The following SGIP1 variants were observed in gnomAD, a reference collection of about 807,000 sequenced individuals.
SGIP1 encodes SH3GL interacting endocytic adaptor 1.
SGIP1 carries 38 observed loss-of-function variants against 107.5 expected under a neutral mutation model. The ratio of observed to expected loss-of-function variants is 0.35; its 90% confidence interval spans 0.27 to 0.46. The LOEUF is 0.46. SGIP1 is among the 20% of genes least tolerant of loss of function. SGIP1 has a pLI of 1.00. For synonymous variants in SGIP1, 365 were observed against 366.1 expected, an observed-to-expected ratio of 1.00 and a Z score of 0.03; for missense variants, 929 against 1,019.5, an observed-to-expected ratio of 0.91 and a Z score of 1.21.
chr1:66,713,742 T>TAATA (rs1172377036), intron 18 of SGIP1, among the ~76,000 whole-genome samples: 1 of 152,096 alleles, frequency 6.6e-6, no homozygotes, highest in Non-Finnish European at 1.5e-5. Context: ...ACTCATATTT[T>TAATA]AATAAATTAA....
chr1:66,550,076 T>C (rs1404507053), intron 1 of SGIP1, among the ~76,000 whole-genome samples: 1 of 152,174 alleles, frequency 6.6e-6, no homozygotes, highest in African/African-American at 2.4e-5. Context: ...GCACCTGCTC[T>C]GGCTGAATTA....
intron 18 of SGIP1, among the ~76,000 whole-genome samples, chr1:66,710,157 T>C (rs489300): frequency 0.29 from 44,522 of 152,020 alleles, 7,612 homozygotes; most frequent in East Asian, 0.79. Context: ...TCATAAAAAG[T>C]AACTTTATTA....
intron 1 of SGIP1, among the ~76,000 whole-genome samples, chr1:66,614,463 C>G (rs1409137741): frequency 6.6e-6 from 1 of 152,180 alleles, no homozygotes; most frequent in Non-Finnish European, 1.5e-5. Context: ...AACAGGATCA[C>G]TCTACATGCA....
At chr1:66,630,448 C>T (rs1309386099) in intron 2 of SGIP1, among the ~76,000 whole-genome samples, 3 of 152,072 alleles carry the variant, frequency 2.0e-5, no homozygotes, top group African/African-American at 7.2e-5. Flanking sequence ...AGGTTGAAGT[C>T]CTAGTAAGAA....
chr1:66,639,261 G>A (rs2076338530), intron 4 of SGIP1, among the ~76,000 whole-genome samples: 5 of 152,142 alleles, frequency 3.3e-5, no homozygotes, highest in Admixed American at 3.3e-4. Context: ...AACTGATTTA[G>A]AGCTGACTTA....
intron 18 of SGIP1, among the ~76,000 whole-genome samples, chr1:66,715,088 T>C (rs1365150061): frequency 6.6e-6 from 1 of 152,126 alleles, no homozygotes; most frequent in African/African-American, 2.4e-5. Context: ...TTCTACTTTG[T>C]AGGAATAAAT....
intron 18 of SGIP1, among the ~76,000 whole-genome samples, chr1:66,706,788 C>T (rs1038755989): frequency 6.6e-6 from 1 of 151,948 alleles, no homozygotes; most frequent in East Asian, 1.9e-4. Flanking sequence ...TGTGAGTCTG[C>T]GTGTGTGCAT....
At chr1:66,735,910 G>A (rs1290500870) in intron 21 of SGIP1, among the ~76,000 whole-genome samples, 3 of 150,596 alleles carry the variant, frequency 2.0e-5, no homozygotes, top group Non-Finnish European at 4.4e-5. Flanking sequence ...CATTTACCAC[G>A]TTTTTAATGC....
chr1:66,592,035 A>T (rs1558000906), intron 1 of SGIP1, among the ~76,000 whole-genome samples: 1 of 152,224 alleles, frequency 6.6e-6, no homozygotes, highest in Non-Finnish European at 1.5e-5. Context: ...ACACCAAGAC[A>T]TTCCATTCCC....
chr1:66,692,029 G>A (rs1261473425), intron 17 of SGIP1, among the ~76,000 whole-genome samples: 1 of 151,920 alleles, frequency 6.6e-6, no homozygotes, highest in Non-Finnish European at 1.5e-5. Flanking sequence ...TGTGGTGGTG[G>A]GCGCCTGTAG....
At chr1:66,580,365 C>T (rs1027767469) in intron 1 of SGIP1, among the ~76,000 whole-genome samples, 3 of 152,158 alleles carry the variant, frequency 2.0e-5, no homozygotes, top group African/African-American at 4.8e-5. Context: ...CTTACCCTTG[C>T]CTGAAACCCT....
intron 8 of SGIP1, among the ~76,000 whole-genome samples, chr1:66,662,398 G>A (rs1023397870): frequency 2.0e-5 from 3 of 152,148 alleles, no homozygotes; most frequent in Non-Finnish European, 4.4e-5. Flanking sequence ...TGTGACAAGG[G>A]GGATAGACTG....
chr1:66,543,666 T>C (rs1471464047), intron 1 of SGIP1, among the ~76,000 whole-genome samples: 1 of 152,096 alleles, frequency 6.6e-6, no homozygotes, highest in Admixed American at 6.5e-5. Flanking sequence ...CTCTCTCCCC[T>C]GATTTTCTCA....
At chr1:66,647,004 G>C (rs531804078) in intron 7 of SGIP1, among the ~76,000 whole-genome samples, 1 of 152,140 alleles carries the variant, frequency 6.6e-6, no homozygotes, top group Non-Finnish European at 1.5e-5. Flanking sequence ...ACATCACCCA[G>C]GTTTGCCATC....
At chr1:66,552,853 G>A (rs1447742679) in intron 1 of SGIP1, among the ~76,000 whole-genome samples, 1 of 152,058 alleles carries the variant, frequency 6.6e-6, no homozygotes, top group Non-Finnish European at 1.5e-5. Flanking sequence ...GGGTGAGAGA[G>A]AAAACGACTT....
At chr1:66,593,401 G>A (rs753514065) in intron 1 of SGIP1, among the ~76,000 whole-genome samples, 1 of 152,088 alleles carries the variant, frequency 6.6e-6, no homozygotes, top group Non-Finnish European at 1.5e-5. Flanking sequence ...ACCACTTTGC[G>A]TTTCTACTAG....
chr1:66,699,758 G>A (rs1239779052), intron 18 of SGIP1, among the ~76,000 whole-genome samples: 1 of 152,104 alleles, frequency 6.6e-6, no homozygotes, highest in Admixed American at 6.6e-5. Context: ...CCCCACAGAG[G>A]TTATGTTCTA....
intron 8 of SGIP1, chr1:66,666,567 TG>T (rs2082592043): frequency 6.6e-6 from 1 of 152,602 alleles, no homozygotes; most frequent in South Asian, 2.0e-4. Context: ...TTAGGTAGTA[TG>T]GCCATTTTCA....
intron 2 of SGIP1, among the ~76,000 whole-genome samples, chr1:66,629,382 A>C (rs1286537969): frequency 6.6e-6 from 1 of 152,178 alleles, no homozygotes. Context: ...CTAGTAATTA[A>C]ATAAGGTTAG....
Sources: gnomAD v4.1 joint callset for allele counts (sites outside exome capture counted in the v4.1 genomes callset) on GRCh38, gnomAD v4.1.1 for gene constraint, MANE v1.5 for transcripts, NCBI Gene and HGNC (gene_info 2026-07-23, HGNC 2026-07-21) for gene names.